Variants in IREB2 observed in about 807,000 individuals in gnomAD.
The protein encoded by IREB2 is iron-responsive element-binding protein 2.
In IREB2, 39 loss-of-function variants were observed where a neutral mutation model predicts 118.8. That is an observed-to-expected ratio of 0.33 (90% CI 0.25 to 0.43). The LOEUF (loss-of-function observed/expected upper bound fraction) is 0.43, where lower values mean the gene tolerates loss of function less well. Among genes scored for constraint, IREB2 ranks in the 20% least tolerant of loss-of-function variants. The pLI is 1.00. For missense variants in IREB2, 900 were observed against 1,147.3 expected (o/e 0.78, Z 3.11); for synonymous variants, 372 against 392.2 (o/e 0.95, Z 0.61).
intron 5 of IREB2, among the ~76,000 whole-genome samples, chr15:78,468,800 G>C (rs758050030): frequency 2.0e-5 from 3 of 152,078 alleles, no homozygotes; most frequent in Non-Finnish European, 4.4e-5. Flanking sequence ...TATAATCTCT[G>C]AGTCTTTTGC....
At position 78,463,025 on chromosome 15, in the gene IREB2, A is replaced by C. The variant is rs1229082774; in HGVS notation, c.210A>C (p.Lys70Asn). The C allele has an allele frequency of 6.2e-7, 1 of 1,612,926 alleles. No homozygotes were observed. The highest frequency in any genetic ancestry group is 1.3e-5 in the African/African-American group (1 of 74,870). The change falls in exon 3 of 22, where the codon AAA becomes AAC. Residue 70 changes from lysine (K) to asparagine (N), a missense_variant. Transcript: ENST00000258886. ...ATGTTATGAACATTTTAGACTGGAA[A>C]ACCAAACAAAGCAATGTTGAAGTGC... is the stretch of plus-strand genomic sequence containing the variant. The part of the protein sequence containing the change: ...KEDVMNILDW[K>N]TKQSNVEVPF...
rs1341184547 is a variant in IREB2 at position 78,438,253 on chromosome 15, T to C, written c.-85T>C. On this transcript the variant is annotated 5_prime_UTR_variant, in exon 1 of 22. Transcript: ENST00000258886. ...TTCTTTCCTCCCTTGCCAGTCCGCC[T>C]GTCTTCCTCCCCGTCTTCCCTGCCC... The C allele has an allele frequency of 1.1e-5, 12 of 1,068,994 alleles. No individual in the cohort carries two copies. Among genetic ancestry groups the C allele is most frequent in the Non-Finnish European group, 1.7e-5 (12 of 705,964 alleles). 66.2% of individuals were successfully genotyped at this position (1,068,994 alleles called of 1,614,324 possible).
At chr15:78,493,003 C>T (rs2051776917) in intron 18 of IREB2, among the ~76,000 whole-genome samples, 1 of 152,142 alleles carries the variant, frequency 6.6e-6, no homozygotes, top group Admixed American at 6.5e-5. Context: ...AGACAGTTGG[C>T]TATCTTGTGC....
At position 78,500,887 on chromosome 15, in the gene IREB2, C is replaced by T. The variant is rs763139899; in HGVS notation, c.*2744C>T. 4 of 152,146 alleles carry T rather than the reference C, an allele frequency of 2.6e-5. No homozygotes were observed. Among genetic ancestry groups the T allele is most frequent in the Admixed American group, 6.5e-5 (1 of 15,270 alleles). 9.4% of individuals were successfully genotyped at this position (152,146 alleles called of 1,614,324 possible). On this transcript the variant is annotated 3_prime_UTR_variant, in exon 22 of 22. Coordinates refer to ENST00000258886, the MANE Select transcript of IREB2 (RefSeq NM_004136.4). ...GCTTAGTTTTTCGTTGGTAATCAAA[C>T]AACAGTTGTACTAAAGGAAAGTAAA... is the stretch of plus-strand genomic sequence containing the variant.
intron 10 of IREB2, among the ~76,000 whole-genome samples, chr15:78,478,999 A>G (rs2051522032): frequency 1.3e-5 from 2 of 152,212 alleles, no homozygotes; most frequent in Admixed American, 1.3e-4. Context: ...GTGCAGTGGC[A>G]CAATCATGGT....
At position 78,471,925 on chromosome 15, in the gene IREB2, G is replaced by A; in HGVS notation, c.883+1G>A. On this transcript the variant is annotated splice_donor_variant, in intron 7 of 21. Coordinates refer to ENST00000258886, the MANE Select transcript of IREB2 (RefSeq NM_004136.4). LOFTEE classifies it high-confidence loss of function. ...AATGGTTTAGGGATTCTGGGGTGGG[G>A]TAAGTAAATGACTAAATATATTTCA... 6.4e-7 allele frequency: 1 copy of A among 1,558,312 alleles called. No individual in the cohort carries two copies. The highest frequency in any genetic ancestry group is 1.2e-5 in the South Asian group (1 of 80,242).
intron 16 of IREB2, among the ~76,000 whole-genome samples, chr15:78,490,121 A>G (rs1025819895): frequency 1.3e-5 from 2 of 152,170 alleles, no homozygotes; most frequent in African/African-American, 4.8e-5. Context: ...TTTTTAGAAC[A>G]CACTGTTTTG....
intron 13 of IREB2, 136 bp downstream of exon 13, chr15:78,485,976 T>A: frequency 1.4e-6 from 1 of 735,228 alleles, no homozygotes; most frequent in Non-Finnish European, 2.2e-6. Context: ...GCCATTACCA[T>A]ACAATTTTTG....
At chr15:78,437,914 G>C (rs563267339), upstream of IREB2, among the ~76,000 whole-genome samples, 5 of 152,358 alleles carry the variant, frequency 3.3e-5, no homozygotes, top group African/African-American at 1.2e-4. Context: ...GACTCCAACA[G>C]ACACCTTGCG....
At position 78,488,300 on chromosome 15, in the gene IREB2, G is replaced by A; in HGVS notation, c.1915G>A (p.Gly639Ser). The A allele has an allele frequency of 6.2e-7, 1 of 1,606,814 alleles. No homozygotes were observed. The highest frequency in any genetic ancestry group is 1.7e-5 in the Admixed American group (1 of 57,804). ...CTTAGTGGTAGCTTATGCCATAGCA[G>A]GCACAGTGAATATAGATTTCCAGAC... The part of the protein sequence containing the change: ...PPLVVAYAIA[G>S]TVNIDFQTEP... Residue 639 changes from glycine to serine, a missense_variant, in exon 15 of 22, where the codon GGC becomes AGC. By Grantham distance (56) the Gly-to-Ser change is moderately conservative. Coordinates refer to ENST00000258886, the MANE Select transcript of IREB2 (RefSeq NM_004136.4).
At chr15:78,448,485 A>AATTC (rs771539221) in intron 2 of IREB2, among the ~76,000 whole-genome samples, 3 of 152,110 alleles carry the variant, frequency 2.0e-5, no homozygotes, top group Non-Finnish European at 4.4e-5. Flanking sequence ...AAAAGGTCAG[A>AATTC]ATTTATTTAT....
At chr15:78,439,632 T>G (rs1567159003) in intron 1 of IREB2, among the ~76,000 whole-genome samples, 163 bp from the exon 2 acceptor site, 1 of 152,246 alleles carries the variant, frequency 6.6e-6, no homozygotes, top group Non-Finnish European at 1.5e-5. Context: ...TTTCAGGTGC[T>G]CAATAGCCAC....
intron 5 of IREB2, among the ~76,000 whole-genome samples, chr15:78,469,196 A>G (rs1247131965): frequency 6.6e-6 from 1 of 152,170 alleles, no homozygotes; most frequent in Non-Finnish European, 1.5e-5. Context: ...GAGTAGAAAG[A>G]TGAGAGCATA....
chr15:78,473,447 T>TATGAGAGCAGGGATTTGG (rs896917522), intron 8 of IREB2, 66 bp downstream of exon 8: 6 of 1,401,648 alleles, frequency 4.3e-6, no homozygotes, highest in African/African-American at 1.4e-5. Context: ...TGAAGAGCTC[T>TATGAGAGCAGGGATTTGG]ATGAGAGCAG....
intron 8 of IREB2, chr15:78,474,009 T>G (rs1226419542): frequency 6.6e-6 from 1 of 152,230 alleles, no homozygotes; most frequent in Non-Finnish European, 1.5e-5. Context: ...CTCTGGATTA[T>G]TATGTAAAAA....
chr15:78,450,262 A>G (rs2051001594), intron 2 of IREB2, among the ~76,000 whole-genome samples: 1 of 152,208 alleles, frequency 6.6e-6, no homozygotes, highest in South Asian at 2.1e-4. Flanking sequence ...GGAGATAGAA[A>G]CCACATAATA....
chr15:78,451,034 G>A (rs914056327), intron 2 of IREB2, among the ~76,000 whole-genome samples: 25 of 151,806 alleles, frequency 1.6e-4, no homozygotes, highest in African/African-American at 5.3e-4. Context: ...GCTCAATCTC[G>A]GCTCACTGCA....
chr15:78,451,435 G>A (rs1253127470), intron 2 of IREB2, among the ~76,000 whole-genome samples: 1 of 151,276 alleles, frequency 6.6e-6, no homozygotes, highest in African/African-American at 2.4e-5. Context: ...CTTTGTTTTC[G>A]AGTAGAAATA....
intron 14 of IREB2, 110 bp downstream of exon 14, chr15:78,487,927 C>A: frequency 1.4e-6 from 1 of 721,604 alleles, no homozygotes. Context: ...AACTCTGCAC[C>A]TCTTGGCAAT....
Sources: gnomAD v4.1 joint callset for allele counts (sites outside exome capture counted in the v4.1 genomes callset) on GRCh38, gnomAD v4.1.1 for gene constraint, MANE v1.5 for transcripts, NCBI Gene and HGNC (gene_info 2026-07-23, HGNC 2026-07-21) for gene names.